The following PPP2R2B variants were observed in gnomAD, a reference collection of about 807,000 sequenced individuals.
PPP2R2B encodes serine/threonine-protein phosphatase 2A 55 kDa regulatory subunit B beta isoform.
PPP2R2B carries 5 observed loss-of-function variants against 46.0 expected under a neutral mutation model. The observed-to-expected ratio is 0.11, with a 90% CI of 0.06 to 0.23. The LOEUF (loss-of-function observed/expected upper bound fraction) is 0.23, where lower values mean the gene tolerates loss of function less well. PPP2R2B is among the 10% of genes least tolerant of loss of function. The probability of loss-of-function intolerance (pLI) is 1.00; values close to 1 mark genes in which losing one functional copy is unlikely to be tolerated. For missense variants in PPP2R2B, 367 were observed against 575.0 expected, an observed-to-expected ratio of 0.64 and a Z score of 3.70; for synonymous variants, 215 against 206.7, an observed-to-expected ratio of 1.04 and a Z score of -0.34.
At chr5:146,843,575 T>A (rs960108386) in intron 2 of PPP2R2B, among the ~76,000 whole-genome samples, 1 of 152,166 alleles carries the variant, frequency 6.6e-6, no homozygotes, top group Non-Finnish European at 1.5e-5. Flanking sequence ...AAGTACAAAT[T>A]AGATGATATC....
Position 146,890,067 on chromosome 5 carries a change from G to A in PPP2R2B, c.79+165598C>T, listed in dbSNP as rs147068373. ...TGGCTCTTCTTAACTTTTGTTTTGC[G>A]TCATATGCACCACTTTTTCTTAAGA... On this transcript the variant is annotated intron_variant, in intron 1 of 8. Coordinates refer to the PPP2R2B transcript ENST00000336640. Among the ~76,000 whole-genome samples, 12 of 152,264 alleles carry A rather than the reference G, an allele frequency of 7.9e-5. No homozygotes were observed. The East Asian group carries it at 1.2e-3, about 15-fold the overall frequency.
At chr5:147,023,299 G>A (rs1316744700) in intron 1 of PPP2R2B, among the ~76,000 whole-genome samples, 1 of 152,112 alleles carries the variant, frequency 6.6e-6, no homozygotes, top group Non-Finnish European at 1.5e-5. Context: ...TTCAGTAGAG[G>A]AGATAGTATG....
At chr5:147,033,964 T>A (rs1755913443) in intron 1 of PPP2R2B, among the ~76,000 whole-genome samples, 1 of 152,186 alleles carries the variant, frequency 6.6e-6, no homozygotes, top group Non-Finnish European at 1.5e-5. Context: ...CTTGACCTAC[T>A]TTAAACTGCA....
intron 1 of PPP2R2B, among the ~76,000 whole-genome samples, chr5:146,905,106 C>G (rs1762954248): frequency 6.6e-6 from 1 of 152,090 alleles, no homozygotes; most frequent in Non-Finnish European, 1.5e-5. Context: ...CAATGAAATA[C>G]CATTGCATCT....
chr5:146,847,220 T>G (rs1760062903), intron 2 of PPP2R2B, among the ~76,000 whole-genome samples: 1 of 152,202 alleles, frequency 6.6e-6, no homozygotes, highest in African/African-American at 2.4e-5. Flanking sequence ...GCTGCCTTCT[T>G]GCTTGACCTG....
chr5:146,963,066 G>C (rs1752247114), intron 1 of PPP2R2B, among the ~76,000 whole-genome samples: 1 of 152,152 alleles, frequency 6.6e-6, no homozygotes, highest in South Asian at 2.1e-4. Context: ...GTACAAATTG[G>C]ATTGGGGCAA....
chr5:146,631,918 C>A (rs1408106347), intron 7 of PPP2R2B, among the ~76,000 whole-genome samples: 2 of 152,098 alleles, frequency 1.3e-5, no homozygotes, highest in African/African-American at 4.8e-5. Flanking sequence ...CCACTCTTAC[C>A]TCCTGGAGGA....
chr5:147,011,718 C>T (rs1754742566), intron 1 of PPP2R2B, among the ~76,000 whole-genome samples: 1 of 150,452 alleles, frequency 6.6e-6, no homozygotes, highest in African/African-American at 2.5e-5. Context: ...GTGGGTTTGT[C>T]ACAGATAGCT....
Position 146,806,939 on chromosome 5 carries a change from C to T in PPP2R2B, c.70+71063G>A, listed in dbSNP as rs1313773590. ...GCTCTACTTCTCATTGTCCCATGAC[C>T]TTAGGTCTACCCCTGTGGGTCTCCA... On this transcript the variant is annotated intron_variant, in intron 2 of 9. Transcript: ENST00000394411. Among the ~76,000 whole-genome samples, 4 of 152,164 alleles carry T rather than the reference C, an allele frequency of 2.6e-5. No individual in the cohort carries two copies. In the East Asian group the frequency reaches 7.7e-4, roughly 29 times the overall value.
intron 5 of PPP2R2B, among the ~76,000 whole-genome samples, chr5:146,661,960 G>A (rs1776703416): frequency 1.3e-5 from 2 of 152,176 alleles, no homozygotes; most frequent in Admixed American, 6.6e-5. Flanking sequence ...GAGTGGGATT[G>A]GGAGAGGCGG....
chr5:146,747,937 C>G (rs944928022), intron 2 of PPP2R2B, among the ~76,000 whole-genome samples: 1 of 152,020 alleles, frequency 6.6e-6, no homozygotes, highest in Non-Finnish European at 1.5e-5. Context: ...ACTTGGGGAA[C>G]CTCTGTTCTA....
At chr5:146,698,213 C>G (rs776723846) in intron 3 of PPP2R2B, 69 bp from the exon 4 acceptor site, 149 of 1,335,226 alleles carry the variant, frequency 1.1e-4, no homozygotes, top group South Asian at 9.0e-4. Context: ...CGCCAACTCC[C>G]TTTTTTTTCC....
intron 7 of PPP2R2B, among the ~76,000 whole-genome samples, chr5:146,623,508 CTTTG>C (rs1200218790): frequency 6.6e-6 from 1 of 152,186 alleles, no homozygotes; most frequent in Non-Finnish European, 1.5e-5. Flanking sequence ...CAATTCATTG[CTTTG>C]TTTGATTTCA....
chr5:147,067,805 G>A (rs115811227), intron 2 of PPP2R2B, among the ~76,000 whole-genome samples: 192 of 152,250 alleles, frequency 1.3e-3, no homozygotes, highest in African/African-American at 4.5e-3. Flanking sequence ...AACATCATGT[G>A]GGTAAATAAT....
intron 2 of PPP2R2B, among the ~76,000 whole-genome samples, chr5:146,750,013 T>C (rs1214404126): frequency 1.3e-5 from 2 of 152,238 alleles, no homozygotes; most frequent in African/African-American, 2.4e-5. Context: ...GGGAGTTCAA[T>C]TGCACCAGTG....
rs1377213414 is a variant in PPP2R2B at position 147,020,691 on chromosome 5, A to C, written c.79+34974T>G. Among the ~76,000 whole-genome samples, 3 of 152,204 alleles carry C rather than the reference A, an allele frequency of 2.0e-5. No homozygotes were observed. The East Asian group carries it at 5.8e-4, about 29-fold the overall frequency. ...CAGAGAAGGTATATTCAATACTGCAAGGATCTCAGAGCTCAGATGATAAGA... is the reference window on the plus strand; with the variant it reads ...CAGAGAAGGTATATTCAATACTGCACGGATCTCAGAGCTCAGATGATAAGA... On this transcript the variant is annotated intron_variant, in intron 1 of 8. Transcript: ENST00000336640.
chr5:146,826,400 A>G (rs1420557224), intron 2 of PPP2R2B, among the ~76,000 whole-genome samples: 1 of 152,162 alleles, frequency 6.6e-6, no homozygotes, highest in African/African-American at 2.4e-5. Context: ...AGAGAGCCTA[A>G]GTCTAGCATT....
intron 5 of PPP2R2B, among the ~76,000 whole-genome samples, chr5:146,684,269 A>C (rs908308798): frequency 1.3e-5 from 2 of 152,258 alleles, no homozygotes; most frequent in Non-Finnish European, 2.9e-5. Context: ...ATGTCCTAAG[A>C]GGCCTCAGTT....
chr5:146,646,434 G>A (rs1340151290), intron 6 of PPP2R2B, among the ~76,000 whole-genome samples: 2 of 152,260 alleles, frequency 1.3e-5, no homozygotes, highest in Non-Finnish European at 2.9e-5. Context: ...AGTTGTTATA[G>A]TCCTGATGTA....
Sources: gnomAD v4.1 joint callset for allele counts (sites outside exome capture counted in the v4.1 genomes callset) on GRCh38, gnomAD v4.1.1 for gene constraint, MANE v1.5 for transcripts, NCBI Gene and HGNC (gene_info 2026-07-23, HGNC 2026-07-21) for gene names.